The following RBFOX1 variants were observed in gnomAD, a reference collection of about 807,000 sequenced individuals.
RBFOX1 encodes RNA binding fox-1 homolog 1, also known as RNA binding protein fox-1 homolog 1.
In RBFOX1, 8 loss-of-function variants were observed where a neutral mutation model predicts 57.7. The observed-to-expected ratio is 0.14, with a 90% CI of 0.08 to 0.25. RBFOX1 has a LOEUF of 0.25. RBFOX1 is among the 10% of genes least tolerant of loss of function. The pLI is 1.00. For synonymous variants in RBFOX1, 326 were observed against 222.4 expected (o/e 1.47, Z -4.15); for missense variants, 611 against 548.5 (o/e 1.11, Z -1.14).
chr16:5,761,690 CAT>C (rs2053598756), intron 3 of RBFOX1, among the ~76,000 whole-genome samples: 2 of 152,154 alleles, frequency 1.3e-5, no homozygotes, highest in South Asian at 4.1e-4. Context: ...TTCCAGCACA[CAT>C]AGGAATTATG....
At chr16:5,349,127 C>A (rs551217218) in intron 1 of RBFOX1, among the ~76,000 whole-genome samples, 1 of 152,264 alleles carries the variant, frequency 6.6e-6, no homozygotes, top group South Asian at 2.1e-4. Context: ...AAAGAAATCC[C>A]GACATATGCA....
At chr16:6,802,258 A>G (rs1464346907) in intron 3 of RBFOX1, among the ~76,000 whole-genome samples, 1 of 152,138 alleles carries the variant, frequency 6.6e-6, no homozygotes, top group African/African-American at 2.4e-5. Context: ...CAGTGCCGAA[A>G]CAGTAGTTGT....
At chr16:6,484,772 C>G (rs1420078) in intron 2 of RBFOX1, among the ~76,000 whole-genome samples, 48,492 of 151,998 alleles carry the variant, frequency 0.32, 9,395 homozygotes, top group East Asian at 0.63. Context: ...GCAGTGTCAC[C>G]TTAGTAAAAC....
chr16:6,706,530 C>T (rs980801118), intron 3 of RBFOX1, among the ~76,000 whole-genome samples: 1 of 152,136 alleles, frequency 6.6e-6, no homozygotes, highest in Non-Finnish European at 1.5e-5. Context: ...TTAATTGTAT[C>T]TTTCTGTGCA....
intron 4 of RBFOX1, among the ~76,000 whole-genome samples, chr16:7,383,331 C>G (rs1339107180): frequency 1.3e-5 from 2 of 150,820 alleles, no homozygotes; most frequent in African/African-American, 2.4e-5. Flanking sequence ...AACTTCTCTG[C>G]TTGGACAAAA....
chr16:6,654,500 T>C, intron 2 of RBFOX1, 103 bp from the exon 3 acceptor site: 1 of 902,780 alleles, frequency 1.1e-6, no homozygotes, highest in Non-Finnish European at 1.6e-6. Flanking sequence ...ATGAGCTCTT[T>C]ATTATTTTAA....
intron 3 of RBFOX1, among the ~76,000 whole-genome samples, chr16:6,966,831 C>T (rs1226722396): frequency 1.4e-5 from 2 of 138,734 alleles, no homozygotes; most frequent in Non-Finnish European, 3.2e-5. Flanking sequence ...ATCTATCTGT[C>T]TATCTATCTA....
intron 2 of RBFOX1, among the ~76,000 whole-genome samples, chr16:6,631,266 C>G (rs1185376734): frequency 6.6e-6 from 1 of 151,676 alleles, no homozygotes; most frequent in South Asian, 2.1e-4. Context: ...TGGAATAAAA[C>G]CAAAAATGGG....
At chr16:6,134,255 A>G (rs994348552) in intron 1 of RBFOX1, among the ~76,000 whole-genome samples, 2 of 152,078 alleles carry the variant, frequency 1.3e-5, no homozygotes, top group South Asian at 2.1e-4. Context: ...TTCTTATAGT[A>G]TTCAGCACCC....
chr16:5,668,528 G>C (rs1405156524), intron 3 of RBFOX1, among the ~76,000 whole-genome samples: 1 of 152,154 alleles, frequency 6.6e-6, no homozygotes, highest in African/African-American at 2.4e-5. Flanking sequence ...CTGTTATTTG[G>C]GAGCATTAAC....
At chr16:5,563,799 C>A (rs2151112980) in intron 2 of RBFOX1, among the ~76,000 whole-genome samples, 1 of 152,234 alleles carries the variant, frequency 6.6e-6, no homozygotes, top group Non-Finnish European at 1.5e-5. Flanking sequence ...TTTTCATCAC[C>A]CCCAAAGTAA....
chr16:6,254,217 T>C (rs190002691), intron 1 of RBFOX1, among the ~76,000 whole-genome samples: 1 of 152,282 alleles, frequency 6.6e-6, no homozygotes, highest in East Asian at 1.9e-4. Context: ...CCTGTCTGTA[T>C]AGGTTATCAT....
chr16:6,668,826 T>G (rs949675295), intron 3 of RBFOX1, among the ~76,000 whole-genome samples: 3 of 152,220 alleles, frequency 2.0e-5, no homozygotes, highest in Non-Finnish European at 4.4e-5. Context: ...GTCTATTTTG[T>G]GTAATTTTTA....
chr16:6,479,837 G>A (rs1267467251), intron 2 of RBFOX1, among the ~76,000 whole-genome samples: 2 of 151,914 alleles, frequency 1.3e-5, no homozygotes, highest in African/African-American at 2.4e-5. Flanking sequence ...ATCATTTGAG[G>A]TCAGGAGCTT....
intron 4 of RBFOX1, among the ~76,000 whole-genome samples, chr16:7,425,724 G>A (rs941182989): frequency 6.6e-6 from 1 of 152,136 alleles, no homozygotes; most frequent in Non-Finnish European, 1.5e-5. Context: ...ATTCTAGGGG[G>A]GATAGAGACC....
In RBFOX1 at chr16:6,859,129, A is replaced by ATATATATATATATGTATATATATATG. The variant is rs1567592071; in HGVS notation, c.-15-192928_-15-192927insTATATATATATATGTATATATATATG. ...AAAAAGTGTATATATATATATATAT[A>ATATATATATATATGTATATATATATG]CATATATATACGTATATATATATGT... On this transcript the variant is annotated intron_variant, in intron 3 of 15. Transcript: ENST00000550418. 9.9e-4 allele frequency among the ~76,000 whole-genome samples: 75 copies of ATATATATATATATGTATATATATATG among 75,634 alleles called. 2 individuals are homozygous for ATATATATATATATGTATATATATATG. Among genetic ancestry groups the ATATATATATATATGTATATATATATG allele is most frequent in the African/African-American group, 5.6e-3 (69 of 12,246 alleles). 49.6% of individuals were successfully genotyped at this position (75,634 alleles called of 152,430 possible).
At chr16:5,490,616 C>T (rs974171333) in intron 2 of RBFOX1, among the ~76,000 whole-genome samples, 1 of 152,142 alleles carries the variant, frequency 6.6e-6, no homozygotes, top group Non-Finnish European at 1.5e-5. Context: ...GTGGCCCAGC[C>T]CTGCCTTGGT....
chr16:5,977,851 C>A (rs887004133), intron 4 of RBFOX1, among the ~76,000 whole-genome samples: 1 of 151,982 alleles, frequency 6.6e-6, no homozygotes, highest in African/African-American at 2.4e-5. Context: ...CCTTTTTTGG[C>A]TTTTTGAGTC....
At chr16:5,712,176 A>G (rs2151510180) in intron 3 of RBFOX1, among the ~76,000 whole-genome samples, 1 of 152,278 alleles carries the variant, frequency 6.6e-6, no homozygotes, top group Admixed American at 6.5e-5. Flanking sequence ...TGCCCCCATG[A>G]TCCAATCACC....
Sources: gnomAD v4.1 joint callset for allele counts (sites outside exome capture counted in the v4.1 genomes callset) on GRCh38, gnomAD v4.1.1 for gene constraint, MANE v1.5 for transcripts, NCBI Gene and HGNC (gene_info 2026-07-23, HGNC 2026-07-21) for gene names.